The following LPP variants were observed in gnomAD, a reference collection of about 807,000 sequenced individuals.
LPP encodes LIM domain containing preferred translocation partner in lipoma.
In LPP, 38 loss-of-function variants were observed where a neutral mutation model predicts 60.4. The ratio of observed to expected loss-of-function variants is 0.63; its 90% CI spans 0.49 to 0.83. The LOEUF (loss-of-function observed/expected upper bound fraction) is 0.83, where lower values mean the gene tolerates loss of function less well. LPP is among the 40% of genes least tolerant of loss of function. The pLI, the probability that LPP is intolerant of heterozygous loss-of-function variation, is 0.00. For synonymous variants in LPP, 328 were observed against 290.8 expected (o/e 1.13, Z -1.30); for missense variants, 902 against 783.6 (o/e 1.15, Z -1.80).
chr3:188,808,384 A>G (rs1749818079), intron 9 of LPP, among the ~76,000 whole-genome samples: 1 of 152,146 alleles, frequency 6.6e-6, no homozygotes, highest in Non-Finnish European at 1.5e-5. Flanking sequence ...TTAGAGAGGC[A>G]GTGTGGCTGT....
chr3:188,860,005 C>T (rs2151937937), intron 9 of LPP, among the ~76,000 whole-genome samples: 1 of 152,132 alleles, frequency 6.6e-6, no homozygotes, highest in South Asian at 2.1e-4. Flanking sequence ...TCAAAACACA[C>T]ATTACATGCA....
intron 2 of LPP, among the ~76,000 whole-genome samples, chr3:188,247,536 GCTC>G (rs1313933722): frequency 6.6e-6 from 1 of 152,076 alleles, no homozygotes; most frequent in African/African-American, 2.4e-5. Context: ...GGGTGCGTTG[GCTC>G]ATGCCTGTAA....
At chr3:188,641,334 A>T (rs1264086104) in intron 7 of LPP, among the ~76,000 whole-genome samples, 1 of 152,246 alleles carries the variant, frequency 6.6e-6, no homozygotes, top group African/African-American at 2.4e-5. Flanking sequence ...AAGAGGACAC[A>T]TGCATAGAAG....
intron 3 of LPP, among the ~76,000 whole-genome samples, chr3:188,356,146 G>GC (rs1393750832): frequency 6.6e-6 from 1 of 152,124 alleles, no homozygotes; most frequent in African/African-American, 2.4e-5. Flanking sequence ...ATTTGCTAGT[G>GC]CCCATTCGTT....
rs146108050 is a variant in LPP at position 188,259,523 on chromosome 3, T to C, written c.-67+33996T>C. Among the ~76,000 whole-genome samples, 149 of 152,358 alleles carry C rather than the reference T, an allele frequency of 9.8e-4. 2 individuals are homozygous for C. The highest frequency in any genetic ancestry group is 2.9e-3 in the South Asian group (14 of 4,828). ...TCCACACTGCATTGAGCAGGAACAC[T>C]TGTAGAACTTCTCACATTGTACCTC... On this transcript the variant is annotated intron_variant, in intron 2 of 11. Transcript: ENST00000617246.
chr3:188,704,152 C>T (rs1002238888), intron 7 of LPP, among the ~76,000 whole-genome samples: 1 of 152,028 alleles, frequency 6.6e-6, no homozygotes, highest in Admixed American at 6.6e-5. Flanking sequence ...CAGGTGACAC[C>T]ATATTTTGGG....
intron 2 of LPP, among the ~76,000 whole-genome samples, chr3:188,279,825 C>T (rs1043820027): frequency 6.6e-6 from 1 of 152,184 alleles, no homozygotes; most frequent in Non-Finnish European, 1.5e-5. Flanking sequence ...TCTTTTTGCT[C>T]TTGTCAGCTG....
At position 188,304,343 on chromosome 3, in the gene LPP, A is replaced by T. The variant is rs147100325; in HGVS notation, c.-66-37320A>T. 9.1e-3 allele frequency among the ~76,000 whole-genome samples: 1,391 copies of T among 152,270 alleles called. 24 individuals are homozygous for T. Among genetic ancestry groups the T allele is most frequent in the African/African-American group, 0.032 (1,349 of 41,540 alleles). On this transcript the variant is annotated intron_variant, in intron 2 of 11. Coordinates refer to ENST00000617246, the MANE Select transcript of LPP (RefSeq NM_001375462.1). ...AGCCTCTTTTTTAATAATGGGGGGA[A>T]ATCTGAAGCCTAAAAGGTGGGCAGG...
At chr3:188,364,839 G>A (rs1197937602) in intron 3 of LPP, among the ~76,000 whole-genome samples, 2 of 152,328 alleles carry the variant, frequency 1.3e-5, no homozygotes, top group East Asian at 3.9e-4. Context: ...ACCAGTAGAT[G>A]TGTGAGTGAG....
At chr3:188,490,864 C>T (rs2149745474) in intron 5 of LPP, among the ~76,000 whole-genome samples, 1 of 148,836 alleles carries the variant, frequency 6.7e-6, no homozygotes, top group Non-Finnish European at 1.5e-5. Context: ...ATGCCATTCT[C>T]CTGCCTTAGC....
chr3:188,768,700 T>A (rs183255150), intron 9 of LPP, among the ~76,000 whole-genome samples: 8 of 152,326 alleles, frequency 5.3e-5, no homozygotes, highest in Admixed American at 5.2e-4. Context: ...CAAAGGTCCA[T>A]GTACCTGTTA....
intron 7 of LPP, among the ~76,000 whole-genome samples, 167 bp from the exon 8 acceptor site, chr3:188,708,100 A>G (rs1182209906): frequency 6.6e-6 from 1 of 152,218 alleles, no homozygotes; most frequent in Non-Finnish European, 1.5e-5. Flanking sequence ...AGATGTGTCC[A>G]AGGTTAGCCA....
rs561715951 is a variant in LPP at position 188,360,279 on chromosome 3, C to T, written c.-10+18560C>T. 3.3e-5 allele frequency among the ~76,000 whole-genome samples: 5 copies of T among 152,136 alleles called. No individual in the cohort carries two copies. In the East Asian group the frequency reaches 9.6e-4, roughly 29 times the overall value. Reference sequence around the variant, plus strand: ...AGTGTGGGAGAATTTGTATTGCACTCCCAGATGATCCTGAAACTGTCATTC... The same window carrying T: ...AGTGTGGGAGAATTTGTATTGCACTTCCAGATGATCCTGAAACTGTCATTC... On this transcript the variant is annotated intron_variant, in intron 3 of 11. Coordinates refer to ENST00000617246, the MANE Select transcript of LPP (RefSeq NM_001375462.1).
chr3:188,762,203 C>A (rs767917023), intron 9 of LPP, among the ~76,000 whole-genome samples: 1 of 152,112 alleles, frequency 6.6e-6, no homozygotes, highest in East Asian at 1.9e-4. Context: ...AATTTCGTTA[C>A]GTCACTTAGT....
intron 1 of LPP, among the ~76,000 whole-genome samples, chr3:188,222,468 A>G (rs1489074075): frequency 6.6e-6 from 1 of 152,210 alleles, no homozygotes; most frequent in African/African-American, 2.4e-5. Flanking sequence ...CTTGTTGGGT[A>G]GATGATATTA....
chr3:188,756,026 TG>T (rs1318253583), intron 8 of LPP, among the ~76,000 whole-genome samples: 1 of 152,088 alleles, frequency 6.6e-6, no homozygotes, highest in African/African-American at 2.4e-5. Context: ...AAAGTCTTTC[TG>T]TTGGTAAGAG....
chr3:188,392,696 A>G (rs1189520973), intron 3 of LPP, among the ~76,000 whole-genome samples: 1 of 152,112 alleles, frequency 6.6e-6, no homozygotes, highest in Non-Finnish European at 1.5e-5. Flanking sequence ...GAAATTTCCA[A>G]AACAAGCAGA....
chr3:188,657,450 A>T (rs1320164496), intron 7 of LPP, among the ~76,000 whole-genome samples: 7 of 151,832 alleles, frequency 4.6e-5, no homozygotes, highest in Non-Finnish European at 1.0e-4. Context: ...ATTATAAATC[A>T]TTGATCACAG....
At chr3:188,777,668 C>T (rs184654978) in intron 9 of LPP, among the ~76,000 whole-genome samples, 9 of 152,168 alleles carry the variant, frequency 5.9e-5, no homozygotes, top group Admixed American at 4.6e-4. Flanking sequence ...CTCTCTGCAT[C>T]CCCCGAGGCT....
Sources: allele counts gnomAD v4.1 joint callset (sites outside exome capture counted in the v4.1 genomes callset), GRCh38; gene constraint gnomAD v4.1.1; transcripts MANE v1.5; gene names NCBI Gene and HGNC (gene_info 2026-07-23, HGNC 2026-07-21).